The following SDCCAG8 variants were observed in gnomAD, a reference collection of about 807,000 sequenced individuals.
SDCCAG8 encodes the protein serologically defined colon cancer antigen 8.
Under a neutral mutation model 101.8 loss-of-function variants are expected in SDCCAG8, and 74 were observed. The observed-to-expected ratio is 0.73, with a 90% CI of 0.60 to 0.88. The LOEUF is 0.88. SDCCAG8 is among the 40% of genes least tolerant of loss of function. SDCCAG8 has a pLI of 0.00. For synonymous variants in SDCCAG8, 281 were observed against 292.9 expected, an observed-to-expected ratio of 0.96 and a Z score of 0.41; for missense variants, 787 against 822.6, an observed-to-expected ratio of 0.96 and a Z score of 0.53.
chr1:243,307,987 A>G lies in SDCCAG8; in HGVS notation c.741-2A>G, dbSNP rs1393858993. The G allele has an allele frequency of 3.1e-6, 5 of 1,613,558 alleles. No homozygotes were observed. In the South Asian group the frequency reaches 5.5e-5, roughly 18 times the overall value. ...TCTAGAATTTTTTCACCCTCTTTTTAGGAACGACTTAGCTGAATATCAGAG... is the reference window on the plus strand; with the variant it reads ...TCTAGAATTTTTTCACCCTCTTTTTGGGAACGACTTAGCTGAATATCAGAG... On this transcript the variant is annotated splice_acceptor_variant, in intron 7 of 17. Coordinates refer to ENST00000366541, the MANE Select transcript of SDCCAG8 (RefSeq NM_006642.5). LOFTEE classifies it high-confidence loss of function.
At chr1:243,412,913 A>G (rs2080284944) in intron 13 of SDCCAG8, among the ~76,000 whole-genome samples, 1 of 152,028 alleles carries the variant, frequency 6.6e-6, no homozygotes, top group Admixed American at 6.6e-5. Flanking sequence ...TAGTTCTAAC[A>G]TTCTGGGAAT....
Position 243,473,610 on chromosome 1 carries a change from A to G in SDCCAG8, c.1986-15404A>G, listed in dbSNP as rs575252848. 2.6e-5 allele frequency among the ~76,000 whole-genome samples: 4 copies of G among 152,258 alleles called. No individual in the cohort carries two copies. The East Asian group carries it at 7.7e-4, about 29-fold the overall frequency. On this transcript the variant is annotated intron_variant, in intron 16 of 17. Transcript: ENST00000366541. ...TGTTAGAAAAATCTCACTGTCTCCG[A>G]GTGGAATTAATATACTGATTATTCT... is the stretch of plus-strand genomic sequence containing the variant.
chr1:243,420,253 T>C (rs931939630), intron 15 of SDCCAG8, among the ~76,000 whole-genome samples: 1 of 152,192 alleles, frequency 6.6e-6, no homozygotes, highest in Admixed American at 6.5e-5. Context: ...GTAAAAACAT[T>C]TCTAAAGCCA....
intron 16 of SDCCAG8, among the ~76,000 whole-genome samples, chr1:243,447,434 G>A (rs1233630423): frequency 6.6e-6 from 1 of 151,986 alleles, no homozygotes. Context: ...AAGGGGATCT[G>A]AGCATCCATT....
chr1:243,452,145 C>T (rs2083403534), intron 16 of SDCCAG8, among the ~76,000 whole-genome samples: 2 of 152,144 alleles, frequency 1.3e-5, no homozygotes, highest in Non-Finnish European at 2.9e-5. Flanking sequence ...GACAGTAGGC[C>T]ACACACCAGA....
chr1:243,481,887 T>A (rs532884755), intron 16 of SDCCAG8, among the ~76,000 whole-genome samples: 3 of 152,162 alleles, frequency 2.0e-5, no homozygotes, highest in Non-Finnish European at 4.4e-5. Context: ...AAAACTCTCA[T>A]TGAAAAACAT....
chr1:243,323,173 G>T (rs976017322), intron 9 of SDCCAG8, among the ~76,000 whole-genome samples: 5 of 151,042 alleles, frequency 3.3e-5, no homozygotes, highest in African/African-American at 1.2e-4. Flanking sequence ...CCACTGAAGA[G>T]TAATACTAGT....
chr1:243,478,275 A>T (rs1662811723), intron 16 of SDCCAG8, among the ~76,000 whole-genome samples: 1 of 152,210 alleles, frequency 6.6e-6, no homozygotes, highest in African/African-American at 2.4e-5. Flanking sequence ...GAGTCAAGAG[A>T]TGTGGGCTCT....
intron 16 of SDCCAG8, among the ~76,000 whole-genome samples, chr1:243,441,068 TAGTC>T (rs1242589354): frequency 2.6e-5 from 4 of 152,192 alleles, no homozygotes; most frequent in Admixed American, 6.5e-5. Flanking sequence ...CTATGGAAAA[TAGTC>T]AGCTTTAAGG....
At chr1:243,489,879 G>A (rs1347040542) in intron 17 of SDCCAG8, among the ~76,000 whole-genome samples, 1 of 152,130 alleles carries the variant, frequency 6.6e-6, no homozygotes, top group Non-Finnish European at 1.5e-5. Flanking sequence ...AAAGTGTCCC[G>A]GTGAATTTGG....
At chr1:243,329,346 G>A (rs2074425771) in intron 9 of SDCCAG8, among the ~76,000 whole-genome samples, 1 of 152,112 alleles carries the variant, frequency 6.6e-6, no homozygotes, top group Non-Finnish European at 1.5e-5. Flanking sequence ...AGAAACTGGA[G>A]TTTAATGCTT....
chr1:243,436,351 A>C (rs1267329271), intron 16 of SDCCAG8, among the ~76,000 whole-genome samples: 2 of 151,944 alleles, frequency 1.3e-5, no homozygotes, highest in African/African-American at 2.4e-5. Flanking sequence ...ATTTTCTATA[A>C]ATTTTATAGT....
chr1:243,379,065 A>G (rs1368267132), intron 13 of SDCCAG8, among the ~76,000 whole-genome samples: 1 of 152,232 alleles, frequency 6.6e-6, no homozygotes, highest in African/African-American at 2.4e-5. Flanking sequence ...CTGATAGATT[A>G]CAAAACCTTT....
chr1:243,411,387 G>A (rs1357229752), intron 13 of SDCCAG8, among the ~76,000 whole-genome samples: 11 of 152,130 alleles, frequency 7.2e-5, no homozygotes, highest in Non-Finnish European at 1.5e-4. Flanking sequence ...AAAGTGCTGG[G>A]ATTACAGGTG....
intron 8 of SDCCAG8, among the ~76,000 whole-genome samples, chr1:243,310,117 C>A (rs1461309202): frequency 6.6e-6 from 1 of 152,116 alleles, no homozygotes; most frequent in Non-Finnish European, 1.5e-5. Context: ...CCGCCTTGGC[C>A]TCCCAAAGTG....
intron 16 of SDCCAG8, chr1:243,475,792 C>T (rs1232207424): frequency 4.6e-6 from 1 of 217,428 alleles, no homozygotes; most frequent in African/African-American, 2.3e-5. Context: ...ATGGGGCATT[C>T]TGTGAACGTG....
intron 13 of SDCCAG8, among the ~76,000 whole-genome samples, chr1:243,390,456 T>C (rs1323171897): frequency 6.6e-6 from 1 of 152,210 alleles, no homozygotes; most frequent in Non-Finnish European, 1.5e-5. Flanking sequence ...GAGCCTGCTC[T>C]GCTCCACCTG....
intron 12 of SDCCAG8, among the ~76,000 whole-genome samples, chr1:243,351,466 G>C (rs1309427182): frequency 6.6e-6 from 1 of 152,214 alleles, no homozygotes; most frequent in African/African-American, 2.4e-5. Flanking sequence ...ATATCGACAA[G>C]TGCAAATTAA....
At chr1:243,329,105 C>T (rs1226119407) in intron 9 of SDCCAG8, among the ~76,000 whole-genome samples, 3 of 152,160 alleles carry the variant, frequency 2.0e-5, no homozygotes, top group Non-Finnish European at 4.4e-5. Context: ...ATTCATATTT[C>T]AAGCTCCAAG....
Sources: allele counts gnomAD v4.1 joint callset (sites outside exome capture counted in the v4.1 genomes callset), GRCh38; gene constraint gnomAD v4.1.1; transcripts MANE v1.5; gene names NCBI Gene and HGNC (gene_info 2026-07-23, HGNC 2026-07-21).